The following KLHL6 variants were observed in gnomAD, a reference collection of about 807,000 sequenced individuals.
The protein encoded by KLHL6 is kelch like family member 6, also known as kelch-like protein 6.
Under a neutral mutation model 58.6 loss-of-function variants are expected in KLHL6, and 41 were observed. The observed-to-expected ratio is 0.70, with a 90% CI of 0.55 to 0.91. The LOEUF (loss-of-function observed/expected upper bound fraction) is 0.91. KLHL6 is among the 40% of genes least tolerant of loss of function. The pLI is 0.00. For missense variants in KLHL6, 714 were observed against 805.6 expected (o/e 0.89, Z 1.38); for synonymous variants, 338 against 322.7 (o/e 1.05, Z -0.51).
At chr3:183,533,798 T>G (rs184805957) in intron 1 of KLHL6, among the ~76,000 whole-genome samples, 1 of 152,138 alleles carries the variant, frequency 6.6e-6, no homozygotes, top group East Asian at 1.9e-4. Flanking sequence ...CCCTCTGTCC[T>G]TGTTGTTTTA....
At position 183,555,420 on chromosome 3, in the gene KLHL6, C is replaced by G; in HGVS notation, c.234G>C (p.Val78=). ...GGTGGCAGGAGAATTCCTGAATGTC[C>G]ACACACAAGATGACATCTGTCAGAG... ...ENALTDVILC[V]DIQEFSCHRV... Residue 78 remains valine (V), a synonymous_variant, in exon 1 of 7, where the codon GTG becomes GTC. Coordinates refer to ENST00000341319, the MANE Select transcript of KLHL6 (RefSeq NM_130446.4). The G allele has an allele frequency of 6.2e-7, 1 of 1,614,108 alleles. No homozygotes were observed. Among genetic ancestry groups the G allele is most frequent in the Non-Finnish European group, 8.5e-7 (1 of 1,180,012 alleles).
At chr3:183,495,649 A>AC (rs1440540529) in intron 4 of KLHL6, among the ~76,000 whole-genome samples, 2 of 151,864 alleles carry the variant, frequency 1.3e-5, no homozygotes, top group Non-Finnish European at 2.9e-5. Context: ...GAAGATGTCA[A>AC]CCCTCCCTAG....
intron 2 of KLHL6, among the ~76,000 whole-genome samples, chr3:183,513,232 G>A (rs1293924818): frequency 6.6e-6 from 1 of 152,182 alleles, no homozygotes; most frequent in Non-Finnish European, 1.5e-5. Context: ...AACTGTAAGA[G>A]TTACTCAATC....
At chr3:183,534,112 C>CT (rs1341874808) in intron 1 of KLHL6, among the ~76,000 whole-genome samples, 19 of 125,434 alleles carry the variant, frequency 1.5e-4, no homozygotes, top group African/African-American at 5.8e-4. Context: ...TTTAAAAGTA[C>CT]TTTACTTTTA....
intron 1 of KLHL6, among the ~76,000 whole-genome samples, chr3:183,550,599 A>G (rs879264961): frequency 4.6e-5 from 7 of 151,876 alleles, no homozygotes; most frequent in Admixed American, 6.6e-5. Context: ...GTTCCAGACC[A>G]GCCTGGCCAA....
chr3:183,542,301 G>A (rs1469248782), intron 1 of KLHL6, among the ~76,000 whole-genome samples: 1 of 152,174 alleles, frequency 6.6e-6, no homozygotes, highest in Non-Finnish European at 1.5e-5. Context: ...CCCACTATCT[G>A]TAAGTCATGT....
intron 4 of KLHL6, among the ~76,000 whole-genome samples, chr3:183,494,686 A>G (rs766904244): frequency 3.3e-5 from 5 of 152,200 alleles, no homozygotes; most frequent in Non-Finnish European, 7.3e-5. Flanking sequence ...GTTTGTGCAG[A>G]AGGCAAATTA....
intron 3 of KLHL6, 130 bp downstream of exon 3, chr3:183,507,929 A>G (rs1230865205): frequency 2.7e-6 from 2 of 753,174 alleles, no homozygotes; most frequent in Non-Finnish European, 4.3e-6. Flanking sequence ...CCGACTCAGC[A>G]ATGAACAGGG....
intron 4 of KLHL6, among the ~76,000 whole-genome samples, chr3:183,496,308 T>G (rs926678306): frequency 6.6e-6 from 1 of 151,168 alleles, no homozygotes; most frequent in Non-Finnish European, 1.5e-5. Flanking sequence ...TTTACCATTC[T>G]AGTCTATTAA....
intron 1 of KLHL6, among the ~76,000 whole-genome samples, chr3:183,554,957 G>A (rs1286752539): frequency 3.3e-5 from 5 of 152,078 alleles, no homozygotes; most frequent in Non-Finnish European, 7.4e-5. Flanking sequence ...CTGAGGTCGG[G>A]AGTTCAAGAC....
At chr3:183,552,826 C>G (rs114340393) in intron 1 of KLHL6, among the ~76,000 whole-genome samples, 1 of 151,712 alleles carries the variant, frequency 6.6e-6, no homozygotes, top group South Asian at 2.1e-4. Flanking sequence ...AGACACAAAG[C>G]GAGAGAGTGT....
chr3:183,506,591 G>A (rs1718013633), intron 3 of KLHL6, among the ~76,000 whole-genome samples: 1 of 152,140 alleles, frequency 6.6e-6, no homozygotes, highest in African/African-American at 2.4e-5. Context: ...ACTTTGGGAG[G>A]CTGAGATGAG....
At chr3:183,501,993 T>C (rs1156721644) in intron 3 of KLHL6, among the ~76,000 whole-genome samples, 1 of 152,006 alleles carries the variant, frequency 6.6e-6, no homozygotes, top group Non-Finnish European at 1.5e-5. Flanking sequence ...TAAACATTGA[T>C]TAAATGAGCG....
Position 183,490,471 on chromosome 3 carries a change from C to T in KLHL6, c.*1456G>A, listed in dbSNP as rs2108660635. 1 of 151,502 alleles carries T rather than the reference C, an allele frequency of 6.6e-6. No individual in the cohort carries two copies. Among genetic ancestry groups the T allele is most frequent in the East Asian group, 1.9e-4 (1 of 5,144 alleles). The allele number at this position is 151,502 out of a possible 1,614,324, so 9.4% of individuals were successfully genotyped here. A position where few individuals can be genotyped will look rare whatever the true frequency, so the allele number is the denominator to read the frequency against. ...GTGCTAAAGGTACAATTCTGTCTGG[C>T]AATGACAGTTCCGGTCCAAAATGGG... On this transcript the variant is annotated 3_prime_UTR_variant, in exon 7 of 7. Transcript: ENST00000341319.
intron 3 of KLHL6, among the ~76,000 whole-genome samples, chr3:183,501,308 G>A (rs1390779210): frequency 6.6e-6 from 1 of 152,208 alleles, no homozygotes; most frequent in Non-Finnish European, 1.5e-5. Context: ...TTTCTCTTCA[G>A]GTGTCAGCCC....
intron 1 of KLHL6, among the ~76,000 whole-genome samples, chr3:183,544,163 CAAAAAAAAA>C (rs56357226): frequency 1.8e-5 from 1 of 57,008 alleles, no homozygotes; most frequent in African/African-American, 6.0e-5. Flanking sequence ...AACTCAGTCT[CAAAAAAAAA>C]AAAAAAAAAA....
chr3:183,524,987 T>C (rs2108683665), intron 2 of KLHL6, among the ~76,000 whole-genome samples: 1 of 152,198 alleles, frequency 6.6e-6, no homozygotes, highest in African/African-American at 2.4e-5. Context: ...AACTTTTGGC[T>C]GGGCATGGTG....
chr3:183,528,480 C>T (rs1009561825), intron 1 of KLHL6, among the ~76,000 whole-genome samples: 2 of 152,252 alleles, frequency 1.3e-5, no homozygotes, highest in African/African-American at 2.4e-5. Context: ...CCTCTCACCC[C>T]AGCAGCTGAA....
intron 2 of KLHL6, among the ~76,000 whole-genome samples, chr3:183,519,236 G>A (rs1009186443): frequency 2.0e-5 from 3 of 152,190 alleles, no homozygotes; most frequent in African/African-American, 7.2e-5. Context: ...TGCCAGACCT[G>A]AAGAGGCTTT....
Sources: gnomAD v4.1 joint callset for allele counts (sites outside exome capture counted in the v4.1 genomes callset) on GRCh38, gnomAD v4.1.1 for gene constraint, MANE v1.5 for transcripts, NCBI Gene and HGNC (gene_info 2026-07-23, HGNC 2026-07-21) for gene names.